Variants in MED19 observed in about 807,000 individuals in gnomAD.
MED19 encodes mediator of RNA polymerase II transcription subunit 19.
Under a neutral mutation model 19.9 loss-of-function variants are expected in MED19, and 4 were observed. That is an observed-to-expected ratio of 0.20 (90% CI 0.10 to 0.46). The LOEUF (loss-of-function observed/expected upper bound fraction) is 0.46. Among genes scored for constraint, MED19 ranks in the 20% least tolerant of loss-of-function variants. The pLI is 0.99. For synonymous variants in MED19, 139 were observed against 119.6 expected (o/e 1.16, Z -1.06); for missense variants, 303 against 318.7 (o/e 0.95, Z 0.38).
intron 3 of MED19, 47 bp downstream of exon 3, chr11:57,704,672 T>A (rs1276249868): frequency 3.0e-5 from 25 of 838,184 alleles, no homozygotes; most frequent in Non-Finnish European, 4.1e-5. Context: ...AGGTCAGGTT[T>A]TTTTTTTTTT....
chr11:57,706,743 AAAC>A (rs1304421310), intron 1 of MED19, among the ~76,000 whole-genome samples: 4 of 152,152 alleles, frequency 2.6e-5, no homozygotes, highest in Non-Finnish European at 4.4e-5. Flanking sequence ...AAAAAAAACA[AAAC>A]AAAACAAAAC....
intron 1 of MED19, among the ~76,000 whole-genome samples, chr11:57,705,498 C>A (rs1946498909): frequency 6.6e-6 from 1 of 151,740 alleles, no homozygotes; most frequent in African/African-American, 2.4e-5. Flanking sequence ...AGTAAAAATA[C>A]AAAAAATTAG....
At chr11:57,704,246 A>G (rs1946481091) in intron 4 of MED19, 56 bp downstream of exon 4, 7 of 1,529,014 alleles carry the variant, frequency 4.6e-6, no homozygotes, top group African/African-American at 4.1e-5. Flanking sequence ...GGTATTTAGG[A>G]CAGGGGTGAG....
At chr11:57,705,184 T>C (rs770394605) in exon 2 of MED19, 5 of 1,614,148 alleles carry the variant, frequency 3.1e-6, no homozygotes, top group Non-Finnish European at 4.2e-6. Flanking sequence ...TTGTTCCAAG[T>C]TGTAGTGTGT....
chr11:57,712,185 C>T (rs924259754), exon 1 of MED19: 2 of 1,516,002 alleles, frequency 1.3e-6, no homozygotes, highest in Middle Eastern at 2.4e-4. Flanking sequence ...TCCATCGTAC[C>T]CTCCGCCCCG....
chr11:57,711,875 T>C, intron 1 of MED19, 88 bp downstream of exon 1: 1 of 1,354,556 alleles, frequency 7.4e-7, no homozygotes, highest in Admixed American at 3.5e-5. Context: ...CTAGGTTACC[T>C]CGCACCTCCG....
exon 2 of MED19, chr11:57,705,091 G>A: frequency 6.2e-7 from 1 of 1,614,158 alleles, no homozygotes; most frequent in South Asian, 1.1e-5. Context: ...ATGGGAACCA[G>A]GCAGATCAAT....
intron 1 of MED19, among the ~76,000 whole-genome samples, chr11:57,708,021 CAG>C (rs902713648): frequency 4.0e-5 from 6 of 151,692 alleles, no homozygotes; most frequent in African/African-American, 1.5e-4. Context: ...TTTGTAGAGA[CAG>C]GGGTCTCCCT....
At chr11:57,711,400 T>C (rs1288696526) in intron 1 of MED19, among the ~76,000 whole-genome samples, 1 of 152,224 alleles carries the variant, frequency 6.6e-6, no homozygotes, top group African/African-American at 2.4e-5. Context: ...TCGCCCAGGC[T>C]GGAGTGCAGT....
chr11:57,710,172 C>A (rs1188454712), intron 1 of MED19, among the ~76,000 whole-genome samples: 1 of 152,106 alleles, frequency 6.6e-6, no homozygotes, highest in Non-Finnish European at 1.5e-5. Context: ...GACCAGCTTG[C>A]GCAACACAGT....
chr11:57,709,482 C>T (rs867648458), intron 1 of MED19, among the ~76,000 whole-genome samples: 3 of 152,076 alleles, frequency 2.0e-5, no homozygotes, highest in Admixed American at 1.3e-4. Flanking sequence ...TCCAAGTCTC[C>T]GTACCCATAC....
At chr11:57,709,273 C>A (rs145599914) in intron 1 of MED19, among the ~76,000 whole-genome samples, 3 of 149,170 alleles carry the variant, frequency 2.0e-5, no homozygotes, top group African/African-American at 7.3e-5. Context: ...CCGAACTACT[C>A]GGGAGGCTGA....
intron 1 of MED19, among the ~76,000 whole-genome samples, chr11:57,710,086 G>C (rs1273367211): frequency 2.0e-5 from 3 of 152,208 alleles, no homozygotes; most frequent in Non-Finnish European, 4.4e-5. Context: ...CCTTGGCTGG[G>C]CACAGTGGCT....
chr11:57,704,496 C>T (rs888306362), intron 3 of MED19, 100 bp from the exon 4 acceptor site: 194 of 1,571,532 alleles, frequency 1.2e-4, no homozygotes, highest in Admixed American at 1.6e-4. Context: ...GGGGCAACTG[C>T]TTTTGTCCAA....
At chr11:57,712,072 C>T in exon 1 of MED19, 1 of 1,529,000 alleles carries the variant, frequency 6.5e-7, no homozygotes, top group Non-Finnish European at 8.8e-7. Context: ...GTCCCCCGCC[C>T]GCAGGAGGCG....
At chr11:57,705,317 T>A in intron 1 of MED19, 88 bp from the exon 2 acceptor site, 5 of 1,384,882 alleles carry the variant, frequency 3.6e-6, no homozygotes, top group Non-Finnish European at 3.9e-6. Context: ...AAATAAGACA[T>A]TTTTTAAGTG....
chr11:57,710,646 G>A (rs1946561073), intron 1 of MED19, among the ~76,000 whole-genome samples: 1 of 151,922 alleles, frequency 6.6e-6, no homozygotes, highest in African/African-American at 2.4e-5. Flanking sequence ...TCAAATGTTA[G>A]CTATGTGAAG....
At chr11:57,704,029 G>C (rs761236602) in exon 5 of MED19, 273 of 1,535,990 alleles carry the variant, frequency 1.8e-4, no homozygotes, top group Non-Finnish European at 8.8e-5. Flanking sequence ...AAAGAGTCCA[G>C]TGGTCCTATT....
At chr11:57,708,114 G>T (rs892180482) in intron 1 of MED19, among the ~76,000 whole-genome samples, 2 of 151,570 alleles carry the variant, frequency 1.3e-5, no homozygotes, top group Non-Finnish European at 1.5e-5. Flanking sequence ...GATTACAGGC[G>T]TGAACCACCC....
Sources: allele counts gnomAD v4.1 joint callset (sites outside exome capture counted in the v4.1 genomes callset), GRCh38; gene constraint gnomAD v4.1.1; transcripts MANE v1.5; gene names NCBI Gene and HGNC (gene_info 2026-07-23, HGNC 2026-07-21).